Variants in NLRP7 observed in about 807,000 individuals in gnomAD.
NLRP7 encodes the protein NLR family pyrin domain containing 7.
A neutral mutation model predicts 85.5 loss-of-function variants in NLRP7; 72 were observed. The ratio of observed to expected loss-of-function variants is 0.84; its 90% CI spans 0.70 to 1.02. The LOEUF (loss-of-function observed/expected upper bound fraction) is 1.02, where lower values mean the gene tolerates loss of function less well. Ranked by LOEUF, NLRP7 falls within the 50% of genes least tolerant of loss-of-function variation. The pLI is 0.00. For missense variants in NLRP7, 1,243 were observed against 1,219.5 expected, an observed-to-expected ratio of 1.02 and a Z score of -0.29; for synonymous variants, 550 against 505.2, an observed-to-expected ratio of 1.09 and a Z score of -1.19.
intron 1 of NLRP7, among the ~76,000 whole-genome samples, chr19:54,963,258 C>T (rs934519161): frequency 2.4e-4 from 37 of 151,830 alleles, no homozygotes; most frequent in Non-Finnish European, 5.4e-4. Flanking sequence ...TCTAGTCAGG[C>T]GTGATGGCGT....
chr19:54,940,570 T>C (rs2069179357), intron 3 of NLRP7, 104 bp from the exon 4 acceptor site: 1 of 1,363,750 alleles, frequency 7.3e-7, no homozygotes, highest in Non-Finnish European at 1.0e-6. Flanking sequence ...CTCATGCTTG[T>C]AATCCCGGCA....
intron 1 of NLRP7, among the ~76,000 whole-genome samples, chr19:54,954,999 C>T (rs2069805053): frequency 1.3e-5 from 2 of 151,958 alleles, no homozygotes; most frequent in African/African-American, 4.8e-5. Context: ...TTCAAGAACC[C>T]ACCATGCCCA....
intron 1 of NLRP7, among the ~76,000 whole-genome samples, chr19:54,961,982 G>A (rs1448128883): frequency 6.6e-6 from 1 of 150,736 alleles, no homozygotes; most frequent in Non-Finnish European, 1.5e-5. Flanking sequence ...AAAAGGGTAT[G>A]GTGAAACCCC....
intron 1 of NLRP7, among the ~76,000 whole-genome samples, chr19:54,946,895 C>T (rs1338354729): frequency 6.6e-6 from 1 of 151,988 alleles, no homozygotes; most frequent in South Asian, 2.1e-4. Flanking sequence ...CCGCCTCGGC[C>T]TCCCAAAGTG....
chr19:54,933,486 A>C, intron 8 of NLRP7, 83 bp downstream of exon 8: 3 of 1,544,160 alleles, frequency 1.9e-6, no homozygotes, highest in Non-Finnish European at 1.8e-6. Flanking sequence ...TAAAAGTTAC[A>C]TTTGAAATGA....
rs1202444821 is a variant in NLRP7 at position 54,954,362 on chromosome 19, TA to T, written c.-76-6858del. 6.4e-5 allele frequency among the ~76,000 whole-genome samples: 9 copies of T among 141,484 alleles called. No homozygotes were observed. The East Asian group carries it at 1.2e-3, about 19-fold the overall frequency. The allele number at this position is 141,484 out of a possible 152,430, so 92.8% of individuals were successfully genotyped here. On this transcript the variant is annotated intron_variant, in intron 1 of 2. Transcript: ENST00000587103. ...TAACACGGTGAAATCCCATCTCTAC[TA>T]AAAAAAAATACAACTAATTAGCTGG...
Position 54,954,393 on chromosome 19 carries a change from G to A in NLRP7, c.-76-6888C>T, listed in dbSNP as rs192843874. Among the ~76,000 whole-genome samples, 131 of 147,438 alleles carry A rather than the reference G, an allele frequency of 8.9e-4. 1 individual carries two copies. In the East Asian group the frequency reaches 0.024, roughly 26 times the overall value. Reference sequence around the variant, plus strand: ...AAAATACAACTAATTAGCTGGGTGCGGTGGCGGGCGCCTGTAGTCCCAGCT... The same window carrying A: ...AAAATACAACTAATTAGCTGGGTGCAGTGGCGGGCGCCTGTAGTCCCAGCT... On this transcript the variant is annotated intron_variant, in intron 1 of 2. Coordinates refer to the NLRP7 transcript ENST00000587103.
chr19:54,941,207 CA>C (rs111382825), intron 2 of NLRP7, among the ~76,000 whole-genome samples: 61,783 of 142,636 alleles, frequency 0.43, 13,394 homozygotes, highest in African/African-American at 0.53. Context: ...ACTAAAAATA[CA>C]AAAAAAAAAA....
chr19:54,931,841 T>C (rs1256848815), intron 8 of NLRP7, among the ~76,000 whole-genome samples: 1 of 148,314 alleles, frequency 6.7e-6, no homozygotes. Context: ...AGAGAGAGAC[T>C]GTTAAAAAAA....
chr19:54,939,268 T>C, exon 4 of NLRP7: 12 of 1,614,136 alleles, frequency 7.4e-6, no homozygotes, highest in Non-Finnish European at 1.0e-5. Context: ...AGTGTCCTAC[T>C]TGAATCAGGT....
intron 5 of NLRP7, among the ~76,000 whole-genome samples, chr19:54,937,079 G>A (rs1025729649): frequency 2.0e-5 from 3 of 151,024 alleles, no homozygotes; most frequent in African/African-American, 4.9e-5. Context: ...CTAGCCGGGC[G>A]TGGTGGCGGG....
chr19:54,925,987 C>A (rs1390775891), intron 9 of NLRP7, among the ~76,000 whole-genome samples: 1 of 150,868 alleles, frequency 6.6e-6, no homozygotes, highest in Non-Finnish European at 1.5e-5. Context: ...GCGACAGAGA[C>A]TGGAGTCTCT....
intron 1 of NLRP7, among the ~76,000 whole-genome samples, chr19:54,957,907 G>A (rs1473071791): frequency 6.6e-6 from 1 of 152,086 alleles, no homozygotes; most frequent in Non-Finnish European, 1.5e-5. Context: ...GTGAGACCCA[G>A]TCTCTATTTA....
chr19:54,927,614 T>G (rs759705693), intron 9 of NLRP7: 3 of 1,613,970 alleles, frequency 1.9e-6, no homozygotes, highest in Admixed American at 1.7e-5. Flanking sequence ...CCTGAGTATC[T>G]TCAAGGATCC....
exon 6 of NLRP7, chr19:54,936,345 G>T: frequency 6.2e-7 from 1 of 1,613,928 alleles, no homozygotes; most frequent in Non-Finnish European, 8.5e-7. Context: ...GATGTGCCCT[G>T]CCAGGGTCAG....
intron 1 of NLRP7, among the ~76,000 whole-genome samples, chr19:54,962,249 C>T (rs1281052358): frequency 6.7e-6 from 1 of 148,756 alleles, no homozygotes; most frequent in Non-Finnish European, 1.5e-5. Flanking sequence ...TTCATCCTTC[C>T]TATTCCCTCC....
chr19:54,940,440 T>C (rs764889241), exon 4 of NLRP7: 10 of 1,614,014 alleles, frequency 6.2e-6, no homozygotes, highest in East Asian at 2.2e-5. Flanking sequence ...TGTTTCTCCA[T>C]TGAATTTCTC....
intron 6 of NLRP7, among the ~76,000 whole-genome samples, chr19:54,935,768 A>T (rs1185388855): frequency 2.6e-5 from 4 of 151,764 alleles, no homozygotes; most frequent in African/African-American, 9.7e-5. Flanking sequence ...CTAACTCCTG[A>T]TGATCTGAGA....
At chr19:54,962,431 C>G (rs1305703167) in intron 1 of NLRP7, among the ~76,000 whole-genome samples, 1 of 151,064 alleles carries the variant, frequency 6.6e-6, no homozygotes, top group African/African-American at 2.4e-5. Context: ...CTACGCCTGG[C>G]TAATTTTTTG....
Sources: allele counts gnomAD v4.1 joint callset (sites outside exome capture counted in the v4.1 genomes callset), GRCh38; gene constraint gnomAD v4.1.1; transcripts MANE v1.5; gene names NCBI Gene and HGNC (gene_info 2026-07-23, HGNC 2026-07-21).